The following FCHSD1 variants were observed in gnomAD, a reference collection of about 807,000 sequenced individuals.
The protein encoded by FCHSD1 is FCH and double SH3 domains 1.
FCHSD1 carries 109 observed loss-of-function variants against 101.3 expected under a neutral mutation model. The ratio of observed to expected loss-of-function variants is 1.08; its 90% confidence interval spans 0.92 to 1.26. The LOEUF (loss-of-function observed/expected upper bound fraction) is 1.26. Ranked by LOEUF, FCHSD1 falls within the 50% of genes most tolerant of loss-of-function variation. The pLI, the probability that FCHSD1 is intolerant of heterozygous loss-of-function variation, is 0.00. For missense variants in FCHSD1, 820 were observed against 895.8 expected, an observed-to-expected ratio of 0.92 and a Z score of 1.08; for synonymous variants, 291 against 356.8, an observed-to-expected ratio of 0.82 and a Z score of 2.08.
intron 11 of FCHSD1, 50 bp from the exon 12 acceptor site, chr5:141,646,241 G>A (rs1395219655): frequency 1.4e-6 from 2 of 1,470,592 alleles, no homozygotes; most frequent in Admixed American, 1.9e-5. Flanking sequence ...TGTGGGGCAT[G>A]ACTTACTATG....
chr5:141,641,385 A>G lies in FCHSD1; in HGVS notation c.*113T>C. The G allele has an allele frequency of 2.0e-6, 2 of 1,018,420 alleles. No homozygotes were observed. The highest frequency in any genetic ancestry group is 4.9e-5 in the South Asian group (2 of 40,598). The allele number at this position is 1,018,420 out of a possible 1,614,324, so 63.1% of individuals were successfully genotyped here. A position where few individuals can be genotyped will look rare whatever the true frequency, so the allele number is the denominator to read the frequency against. ...TTTCCACCCTTGGAGGTGAGGGTGG[A>G]AATAAGGGCGATTCCAGCTTTTGGC... On this transcript the variant is annotated 3_prime_UTR_variant, in exon 20 of 20. Coordinates refer to ENST00000435817, the MANE Select transcript of FCHSD1 (RefSeq NM_033449.3).
Position 141,641,707 on chromosome 5 carries a change from T to G in FCHSD1, c.2002A>C (p.Arg668=). 1 of 1,614,036 alleles carries G rather than the reference T, an allele frequency of 6.2e-7. No individual in the cohort carries two copies. Among genetic ancestry groups the G allele is most frequent in the Non-Finnish European group, 8.5e-7 (1 of 1,179,890 alleles). ...TCCAAGGCAAGGGCCCTTACCGGCCTGAGTCGAGGTGCCATCATGTCCAGG... is the reference window on the plus strand; with the variant it reads ...TCCAAGGCAAGGGCCCTTACCGGCCGGAGTCGAGGTGCCATCATGTCCAGG... ...GFLDMMAPRL[R]PMRPPPPPPA... is the part of the protein sequence containing the mutation. Residue 668 remains arginine (R), a synonymous_variant, in exon 19 of 20, where the codon AGG becomes CGG. Transcript: ENST00000435817.
At chr5:141,650,509 G>T in intron 2 of FCHSD1, 105 bp from the exon 3 acceptor site, 2 of 1,356,862 alleles carry the variant, frequency 1.5e-6, no homozygotes, top group Non-Finnish European at 2.1e-6. Context: ...CGGTTGGGGG[G>T]AGCCAGGTTC....
Position 141,640,684 on chromosome 5 carries a change from G to A in FCHSD1, c.*814C>T. ...CTCTTCTCCAAGTCTCCTTCATTGT[G>A]CTGATGGACTACCAGCTGGCAGGGC... On this transcript the variant is annotated 3_prime_UTR_variant, in exon 20 of 20. Transcript: ENST00000435817. 2 of 1,535,308 alleles carry A rather than the reference G, an allele frequency of 1.3e-6. No individual in the cohort carries two copies. The highest frequency in any genetic ancestry group is 2.4e-5 in the East Asian group (1 of 40,910).
rs781077266 is a variant in FCHSD1, at chr5:141,648,928, G to A, written c.576+29C>T. 6.2e-6 allele frequency: 10 copies of A among 1,612,814 alleles called. No homozygotes were observed. The South Asian group carries it at 1.1e-4, about 18-fold the overall frequency. On this transcript the variant is annotated intron_variant, in intron 7 of 19. Coordinates refer to ENST00000435817, the MANE Select transcript of FCHSD1 (RefSeq NM_033449.3). ...AGACTACTCTGCCTCCCTCTTCCCT[G>A]CCCCCACTCATGCCCTCATCCCTCG... is the stretch of plus-strand genomic sequence containing the variant.
chr5:141,643,219 T>TGGG lies in FCHSD1; in HGVS notation c.1864-134_1864-132dup, dbSNP rs10699129. ...GAAGTGGCCAAATGCTTGCATTCGG[T>TGGG]GGGGGGGTGTAGCTGACAAATATTT... On this transcript the variant is annotated intron_variant, in intron 17 of 19. Transcript: ENST00000435817. 2,170 of 562,038 alleles carry TGGG rather than the reference T, an allele frequency of 3.9e-3. 3 individuals are homozygous for TGGG. The highest frequency in any genetic ancestry group is 7.7e-3 in the Middle Eastern group (15 of 1,950). The allele number at this position is 562,038 out of a possible 1,614,324, so 34.8% of individuals were successfully genotyped here.
chr5:141,641,528 C>CA lies in FCHSD1; in HGVS notation c.2042_2043insT (p.Asp682GlyfsTer88). 2.6e-6 allele frequency: 4 copies of CA among 1,514,752 alleles called. No individual in the cohort carries two copies. Among genetic ancestry groups the CA allele is most frequent in the Non-Finnish European group, 3.5e-6 (4 of 1,130,938 alleles). The allele number at this position is 1,514,752 out of a possible 1,614,324, so 93.8% of individuals were successfully genotyped here. On this transcript the variant is annotated frameshift_variant, in exon 20 of 20. Transcript: ENST00000435817. LOFTEE classifies it high-confidence loss of function. ...TGAGGGGATCTGGGTGGCCAGGATCCGGGGCTTTAGCCGGCGGGGGAGGTG... is the reference window on the plus strand; with the variant it reads ...TGAGGGGATCTGGGTGGCCAGGATCCAGGGGCTTTAGCCGGCGGGGGAGGTG...
At chr5:141,641,646 G>A in intron 19 of FCHSD1, 56 bp downstream of exon 19, 3 of 1,611,898 alleles carry the variant, frequency 1.9e-6, no homozygotes, top group Non-Finnish European at 2.5e-6. Flanking sequence ...AGACAAAACA[G>A]GACTGGTTGG....
Position 141,641,409 on chromosome 5 carries a change from G to T in FCHSD1, c.*89C>A. 8.3e-7 allele frequency: 1 copy of T among 1,205,084 alleles called. No individual in the cohort carries two copies. The highest frequency in any genetic ancestry group is 1.1e-6 in the Non-Finnish European group (1 of 903,974). 74.6% of individuals were successfully genotyped at this position (1,205,084 alleles called of 1,614,324 possible). Reference sequence around the variant, plus strand: ...GAAATAAGGGCGATTCCAGCTTTTGGCTGTGTTGCTCTGGATCATTGATGG... The same window carrying T: ...GAAATAAGGGCGATTCCAGCTTTTGTCTGTGTTGCTCTGGATCATTGATGG... On this transcript the variant is annotated 3_prime_UTR_variant, in exon 20 of 20. Transcript: ENST00000435817.
At position 141,641,260 on chromosome 5, in the gene FCHSD1, T is replaced by G; in HGVS notation, c.*238A>C. ...ATTTCAGGCATTTCACCACCCTAGA[T>G]AGGGTCATGACAGAAGAGAAGGTAG... On this transcript the variant is annotated 3_prime_UTR_variant, in exon 20 of 20. Coordinates refer to ENST00000435817, the MANE Select transcript of FCHSD1 (RefSeq NM_033449.3). 1.2e-5 allele frequency: 5 copies of G among 424,218 alleles called. No individual in the cohort carries two copies. The highest frequency in any genetic ancestry group is 3.4e-5 in the East Asian group (1 of 29,358). The allele number at this position is 424,218 out of a possible 1,614,324, so 26.3% of individuals were successfully genotyped here. A position where few individuals can be genotyped will look rare whatever the true frequency, so the allele number is the denominator to read the frequency against.
Position 141,647,380 on chromosome 5 carries a change from A to ATGC in FCHSD1, c.828+17_828+18insGCA, listed in dbSNP as rs1482156570. The ATGC allele has an allele frequency of 4.4e-6, 7 of 1,585,340 alleles. No homozygotes were observed. On this transcript the variant is annotated intron_variant, in intron 9 of 19. Transcript: ENST00000435817. ...AAAAAGGATCCCCGGGGAAGCTCTT[A>ATGC]GAGGCCACAGCCCTCACCTGGGAGG... is the stretch of plus-strand genomic sequence containing the variant.
rs985693917 is a variant in FCHSD1 at position 141,641,050 on chromosome 5, C to G, written c.*448G>C. The G allele has an allele frequency of 3.0e-5, 10 of 336,294 alleles. No homozygotes were observed. The highest frequency in any genetic ancestry group is 1.7e-4 in the African/African-American group (8 of 47,316). The allele number at this position is 336,294 out of a possible 1,614,324, so 20.8% of individuals were successfully genotyped here. A position where few individuals can be genotyped will look rare whatever the true frequency, so the allele number is the denominator to read the frequency against. ...TGCCCTTTATTCATTGTCAATAAAT[C>G]CGCTCAGACCATTACAGCTGCTTCG... On this transcript the variant is annotated 3_prime_UTR_variant, in exon 20 of 20. Coordinates refer to ENST00000435817, the MANE Select transcript of FCHSD1 (RefSeq NM_033449.3).
In FCHSD1 at chr5:141,640,595, G is replaced by A; in HGVS notation, c.*903C>T. Reference sequence around the variant, plus strand: ...TTGGTTTGGTGGTGGAGGTAGGGAAGGTCCTGGAGCCCCAGGGGAAAAGCT... The same window carrying A: ...TTGGTTTGGTGGTGGAGGTAGGGAAAGTCCTGGAGCCCCAGGGGAAAAGCT... On this transcript the variant is annotated 3_prime_UTR_variant, in exon 20 of 20. Coordinates refer to ENST00000435817, the MANE Select transcript of FCHSD1 (RefSeq NM_033449.3). 6 of 1,544,746 alleles carry A rather than the reference G, an allele frequency of 3.9e-6. No homozygotes were observed. Among genetic ancestry groups the A allele is most frequent in the Non-Finnish European group, 5.2e-6 (6 of 1,144,964 alleles).
intron 12 of FCHSD1, 25 bp from the exon 13 acceptor site, chr5:141,645,957 G>C (rs2154598408): frequency 1.3e-6 from 2 of 1,552,460 alleles, no homozygotes; most frequent in East Asian, 4.8e-5. Flanking sequence ...AAGTAAGTTA[G>C]TGGAACCTGG....
At chr5:141,651,140 A>G in intron 1 of FCHSD1, 23 bp from the exon 2 acceptor site, 1 of 1,566,658 alleles carries the variant, frequency 6.4e-7, no homozygotes, top group Non-Finnish European at 8.7e-7. Flanking sequence ...AGAGAGGATG[A>G]AGACCCCAGC....
chr5:141,642,658 AAAT>A (rs2099907083), intron 18 of FCHSD1: 2 of 546,652 alleles, frequency 3.7e-6, no homozygotes, highest in South Asian at 2.5e-5. Flanking sequence ...CTAATTTTTA[AAAT>A]AATAACAGTG....
chr5:141,649,461 C>G lies in FCHSD1; in HGVS notation c.309G>C (p.Ala103=), dbSNP rs374170709. 12 of 1,613,966 alleles carry G rather than the reference C, an allele frequency of 7.4e-6. No individual in the cohort carries two copies. The highest frequency in any genetic ancestry group is 9.3e-6 in the Non-Finnish European group (11 of 1,179,892). Residue 103 remains alanine (A), a synonymous_variant, in exon 5 of 20, where the codon GCG becomes GCC. Coordinates refer to ENST00000435817, the MANE Select transcript of FCHSD1 (RefSeq NM_033449.3). This position sits in a 1 kb window ranked among gnomAD's most constrained non-coding sequence, Gnocchi z 4.1. ...CTGCTAGGTCACGGTATCGGTCAGA[C>G]GCCTGGAGTCGGGTTTGGCCCCCAG... ...TVAGGQTRLQ[A]SDRYRDLAGG...
In FCHSD1 at chr5:141,650,373, G is replaced by C. The variant is rs756834829; in HGVS notation, c.151C>G (p.Arg51Gly). 8 of 1,613,872 alleles carry C rather than the reference G, an allele frequency of 5.0e-6. No homozygotes were observed. The Admixed American group carries it at 1.3e-4, about 27-fold the overall frequency. The change falls in exon 3 of 20, where the codon CGG becomes GGG. Residue 51 changes from arginine (R) to glycine (G), a missense_variant. Physicochemically the swap from Arg to Gly is moderately radical, Grantham distance 125 (BLOSUM62 -2). Coordinates refer to ENST00000435817, the MANE Select transcript of FCHSD1 (RefSeq NM_033449.3). ...SYSKQRAAIEREYGQALQKLA... is the reference protein window; with the variant it reads ...SYSKQRAAIEGEYGQALQKLA... ...AAGTCCCATACCTGCCCATACTCCC[G>C]TTCAATGGCTGCCCTCTGCTTGCTG...
rs995347857 is a variant in FCHSD1 at position 141,640,042 on chromosome 5, G to A, written c.*1456C>T. 3 of 1,613,630 alleles carry A rather than the reference G, an allele frequency of 1.9e-6. No individual in the cohort carries two copies. The highest frequency in any genetic ancestry group is 1.7e-5 in the Admixed American group (1 of 60,010). On this transcript the variant is annotated 3_prime_UTR_variant, in exon 20 of 20. Coordinates refer to ENST00000435817, the MANE Select transcript of FCHSD1 (RefSeq NM_033449.3). ...CCAGGGGGTGGTCAGGGGTCTGGGG[G>A]AGGGCAGCCCAAGGCAGGGATGCCT...
Sources: gnomAD v4.1 joint callset for allele counts on GRCh38, gnomAD v4.1.1 for gene constraint, Gnocchi (gnomAD v3.1) non-coding constraint, MANE v1.5 for transcripts, NCBI Gene and HGNC (gene_info 2026-07-23, HGNC 2026-07-21) for gene names.